Variants in AAMDC observed in about 807,000 individuals in gnomAD.
AAMDC encodes the protein adipogenesis associated Mth938 domain containing.
AAMDC carries 16 observed loss-of-function variants against 15.5 expected under a neutral mutation model. The ratio of observed to expected loss-of-function variants is 1.03; its 90% CI spans 0.70 to 1.57. The LOEUF (loss-of-function observed/expected upper bound fraction) is 1.57. AAMDC is among the 40% of genes most tolerant of loss of function. The pLI, the probability that AAMDC is intolerant of heterozygous loss-of-function variation, is 0.00. For missense variants in AAMDC, 141 were observed against 144.9 expected, an observed-to-expected ratio of 0.97 and a Z score of 0.14; for synonymous variants, 51 against 51.6, an observed-to-expected ratio of 0.99 and a Z score of 0.05.
intron 3 of AAMDC, among the ~76,000 whole-genome samples, chr11:77,870,726 G>A (rs904881336): frequency 2.6e-5 from 4 of 152,214 alleles, no homozygotes; most frequent in African/African-American, 9.6e-5. Context: ...AAAGGTGGGA[G>A]ATTCCCTTCC....
intron 5 of AAMDC, among the ~76,000 whole-genome samples, chr11:77,892,372 G>A (rs1346483483): frequency 6.6e-6 from 1 of 152,092 alleles, no homozygotes; most frequent in Non-Finnish European, 1.5e-5. Flanking sequence ...TGTGCCAGTG[G>A]ATAGTCAAAA....
chr11:77,903,762 C>T (rs946272141), downstream of AAMDC: 1 of 650,352 alleles, frequency 1.5e-6, no homozygotes, highest in African/African-American at 1.8e-5. Flanking sequence ...ACCCAATAAG[C>T]TGTATCTATT....
chr11:77,828,895 T>G (rs1949298890), intron 1 of AAMDC, among the ~76,000 whole-genome samples: 1 of 152,130 alleles, frequency 6.6e-6, no homozygotes, highest in South Asian at 2.1e-4. Context: ...ATATGGAAAT[T>G]CAGAGAACCC....
At chr11:77,904,264 C>A (rs1952871788), downstream of AAMDC, among the ~76,000 whole-genome samples, 1 of 152,172 alleles carries the variant, frequency 6.6e-6, no homozygotes, top group Non-Finnish European at 1.5e-5. Context: ...AATCAAATGA[C>A]ATTACAGAAA....
At position 77,869,831 on chromosome 11, in the gene AAMDC, T is replaced by C. The variant is rs1818192924; in HGVS notation, c.228+14T>C. On this transcript the variant is annotated intron_variant, in intron 3 of 3. Coordinates refer to ENST00000393427, the MANE Select transcript of AAMDC (RefSeq NM_024684.4). The stretch of plus-strand genomic sequence containing the variant: ...GAGGCCTTGAAGGTAGGTGTTGGTA[T>C]GCACAGCATTCCTGAGGACAGGTGG... 6.2e-7 allele frequency: 1 copy of C among 1,610,986 alleles called. No individual in the cohort carries two copies. Among genetic ancestry groups the C allele is most frequent in the African/African-American group, 1.3e-5 (1 of 74,838 alleles).
At chr11:77,884,235 A>G (rs1011300823) in intron 5 of AAMDC, among the ~76,000 whole-genome samples, 17 of 152,150 alleles carry the variant, frequency 1.1e-4, no homozygotes, top group South Asian at 4.1e-4. Flanking sequence ...TCTTATTATG[A>G]AAAGTGTTCT....
intron 5 of AAMDC, chr11:77,894,286 T>G (rs1389441469): frequency 1.4e-6 from 2 of 1,481,438 alleles, no homozygotes; most frequent in Non-Finnish European, 1.9e-6. Flanking sequence ...TATAAAATAC[T>G]TACCTCTGAA....
chr11:77,878,388 G>C (rs1345729638), intron 5 of AAMDC, among the ~76,000 whole-genome samples: 2 of 151,456 alleles, frequency 1.3e-5, no homozygotes, highest in Admixed American at 1.3e-4. Flanking sequence ...TTTCCTCAAA[G>C]ATGAAAATGA....
At chr11:77,822,401 C>G (rs1159605331) in intron 1 of AAMDC, among the ~76,000 whole-genome samples, 1 of 102,724 alleles carries the variant, frequency 9.7e-6, no homozygotes, top group Non-Finnish European at 1.7e-5. Context: ...AGCGACAGAG[C>G]AAGACTCCAC....
At chr11:77,849,998 C>T (rs1307561562) in intron 2 of AAMDC, among the ~76,000 whole-genome samples, 1 of 152,184 alleles carries the variant, frequency 6.6e-6, no homozygotes, top group Non-Finnish European at 1.5e-5. Context: ...AAGTGGTAAA[C>T]TCCCTAAGGT....
chr11:77,890,746 G>A (rs1952227631), intron 5 of AAMDC, among the ~76,000 whole-genome samples: 2 of 152,326 alleles, frequency 1.3e-5, no homozygotes, highest in African/African-American at 2.4e-5. Context: ...ATGGATGGAA[G>A]GAAGGATGAA....
At chr11:77,890,172 CT>C (rs1398074529) in intron 5 of AAMDC, among the ~76,000 whole-genome samples, 1 of 152,196 alleles carries the variant, frequency 6.6e-6, no homozygotes, top group Non-Finnish European at 1.5e-5. Context: ...AAACAAAACA[CT>C]CCAATATGCA....
At chr11:77,892,438 C>A (rs778085210) in intron 5 of AAMDC, among the ~76,000 whole-genome samples, 1 of 152,166 alleles carries the variant, frequency 6.6e-6, no homozygotes, top group Non-Finnish European at 1.5e-5. Context: ...GAATTAAGAA[C>A]ATCAGATGAA....
At chr11:77,832,823 C>T (rs186612406) in intron 1 of AAMDC, among the ~76,000 whole-genome samples, 2 of 151,796 alleles carry the variant, frequency 1.3e-5, no homozygotes. Flanking sequence ...TCTGTAACAG[C>T]AGTCCCTAAC....
At chr11:77,852,435 A>G (rs561382188) in intron 2 of AAMDC, among the ~76,000 whole-genome samples, 2 of 152,166 alleles carry the variant, frequency 1.3e-5, no homozygotes, top group South Asian at 2.1e-4. Context: ...ATGATTCAGA[A>G]TTCAAACTTC....
At chr11:77,856,035 C>T (rs1950607522) in intron 2 of AAMDC, among the ~76,000 whole-genome samples, 1 of 152,096 alleles carries the variant, frequency 6.6e-6, no homozygotes, top group East Asian at 1.9e-4. Context: ...AGGGGGATTC[C>T]TTGAGCCCAG....
At chr11:77,851,496 T>A (rs1950381387) in intron 2 of AAMDC, 1 of 152,192 alleles carries the variant, frequency 6.6e-6, no homozygotes, top group African/African-American at 2.4e-5. Context: ...GGAAGGCTGA[T>A]ATAGTTGGAT....
chr11:77,843,063 T>C (rs944973104), intron 2 of AAMDC, among the ~76,000 whole-genome samples: 1 of 152,200 alleles, frequency 6.6e-6, no homozygotes, highest in African/African-American at 2.4e-5. Context: ...TTCTGGGTTA[T>C]ATAGTGTTTA....
At chr11:77,863,134 C>G (rs1200223811) in intron 2 of AAMDC, among the ~76,000 whole-genome samples, 2 of 152,094 alleles carry the variant, frequency 1.3e-5, no homozygotes, top group African/African-American at 2.4e-5. Flanking sequence ...GTGTTATAGC[C>G]CTATCAGAAG....
Sources: gnomAD v4.1 joint callset for allele counts (sites outside exome capture counted in the v4.1 genomes callset) on GRCh38, gnomAD v4.1.1 for gene constraint, MANE v1.5 for transcripts, NCBI Gene and HGNC (gene_info 2026-07-23, HGNC 2026-07-21) for gene names.